LPP: variants seen among roughly 807,000 people sequenced by gnomAD.
The protein encoded by LPP is lipoma-preferred partner.
Under a neutral mutation model 60.4 loss-of-function variants are expected in LPP, and 38 were observed. The observed-to-expected ratio is 0.63, with a 90% confidence interval of 0.49 to 0.83. LPP has a LOEUF of 0.83. LPP is among the 40% of genes least tolerant of loss of function. The pLI, the probability that LPP is intolerant of heterozygous loss-of-function variation, is 0.00. For missense variants in LPP, 902 were observed against 783.6 expected (o/e 1.15, Z -1.80); for synonymous variants, 328 against 290.8 (o/e 1.13, Z -1.30).
At chr3:188,318,828 G>A (rs1489929523) in intron 2 of LPP, among the ~76,000 whole-genome samples, 2 of 140,234 alleles carry the variant, frequency 1.4e-5, no homozygotes, top group African/African-American at 5.4e-5. Flanking sequence ...GCGCGATCTC[G>A]GCTCACTGCA....
At chr3:188,600,683 A>G (rs1840967372) in intron 6 of LPP, among the ~76,000 whole-genome samples, 1 of 152,142 alleles carries the variant, frequency 6.6e-6, no homozygotes, top group Non-Finnish European at 1.5e-5. Context: ...TGACATATCC[A>G]TTAAACAATA....
At chr3:188,603,281 T>C (rs1467248960) in intron 6 of LPP, among the ~76,000 whole-genome samples, 2 of 148,258 alleles carry the variant, frequency 1.3e-5, no homozygotes, top group Non-Finnish European at 1.5e-5. Context: ...GATTTTCCAG[T>C]GTCTACATTT....
At position 188,510,399 on chromosome 3, in the gene LPP, C is replaced by T. The variant is rs114723352; in HGVS notation, c.307-14266C>T. Among the ~76,000 whole-genome samples, 726 of 152,250 alleles carry T rather than the reference C, an allele frequency of 4.8e-3. 9 individuals are homozygous for T. The highest frequency in any genetic ancestry group is 0.016 in the African/African-American group (648 of 41,536). ...AGGTGAAATCAGTAGCTTTCTGATA[C>T]GGTCTCTCACTCACTTTTTATCAAT... is the stretch of plus-strand genomic sequence containing the variant. On this transcript the variant is annotated intron_variant, in intron 5 of 11. Coordinates refer to ENST00000617246, the MANE Select transcript of LPP (RefSeq NM_001375462.1).
At chr3:188,241,971 C>A (rs977235927) in intron 2 of LPP, among the ~76,000 whole-genome samples, 3 of 152,086 alleles carry the variant, frequency 2.0e-5, no homozygotes, top group African/African-American at 7.2e-5. Flanking sequence ...TGGTAGATTT[C>A]ATGATTCTGA....
intron 2 of LPP, among the ~76,000 whole-genome samples, chr3:188,301,998 C>T (rs1354002645): frequency 6.6e-6 from 1 of 151,798 alleles, no homozygotes; most frequent in East Asian, 1.9e-4. Flanking sequence ...AAACAACAAC[C>T]CAGAACATAT....
chr3:188,286,494 C>T (rs372550359), intron 2 of LPP, among the ~76,000 whole-genome samples: 2 of 152,146 alleles, frequency 1.3e-5, no homozygotes, highest in East Asian at 3.9e-4. Context: ...TTCATGGCAA[C>T]TTCTGGAGAA....
chr3:188,629,697 A>T (rs1460287745), intron 7 of LPP, among the ~76,000 whole-genome samples: 1 of 152,142 alleles, frequency 6.6e-6, no homozygotes, highest in Non-Finnish European at 1.5e-5. Context: ...TCAAACTACC[A>T]ATATTATCTT....
chr3:188,666,444 G>A (rs1396238931), intron 7 of LPP, among the ~76,000 whole-genome samples: 1 of 152,188 alleles, frequency 6.6e-6, no homozygotes, highest in Admixed American at 6.5e-5. Flanking sequence ...GTTCATCAAG[G>A]CAGTATAACT....
At chr3:188,864,344 G>A (rs9880894) in intron 9 of LPP, among the ~76,000 whole-genome samples, 1 of 151,942 alleles carries the variant, frequency 6.6e-6, no homozygotes, top group African/African-American at 2.4e-5. Context: ...ATATTCATTC[G>A]TTCATTCTTT....
intron 3 of LPP, among the ~76,000 whole-genome samples, chr3:188,371,767 G>A (rs1389774290): frequency 7.0e-6 from 1 of 143,294 alleles, no homozygotes; most frequent in Non-Finnish European, 1.5e-5. Context: ...CGATTCTCCT[G>A]CCTCAGCCTC....
At chr3:188,300,968 T>C (rs1749646588) in intron 2 of LPP, among the ~76,000 whole-genome samples, 1 of 152,214 alleles carries the variant, frequency 6.6e-6, no homozygotes, top group Non-Finnish European at 1.5e-5. Context: ...TGATCTTTTT[T>C]GTCATGGATT....
intron 6 of LPP, among the ~76,000 whole-genome samples, chr3:188,543,371 T>G (rs988256449): frequency 6.6e-6 from 1 of 152,172 alleles, no homozygotes; most frequent in Admixed American, 6.5e-5. Flanking sequence ...TATTTTCTCT[T>G]TGTTCTTGGT....
At chr3:188,554,737 T>G (rs1829057070) in intron 6 of LPP, among the ~76,000 whole-genome samples, 2 of 152,198 alleles carry the variant, frequency 1.3e-5, no homozygotes, top group Admixed American at 1.3e-4. Flanking sequence ...TTTATACTAT[T>G]GGGTTCTTCA....
At chr3:188,474,961 G>A (rs566546800) in intron 4 of LPP, among the ~76,000 whole-genome samples, 1 of 152,162 alleles carries the variant, frequency 6.6e-6, no homozygotes. Context: ...AGTGCTATTT[G>A]GTTCTAGTCG....
At chr3:188,646,981 A>C (rs1851220079) in intron 7 of LPP, among the ~76,000 whole-genome samples, 1 of 152,228 alleles carries the variant, frequency 6.6e-6, no homozygotes. Flanking sequence ...TGCCAAGCAG[A>C]GTGTTGCTGT....
chr3:188,452,114 TAC>T (rs1796728561), intron 4 of LPP, among the ~76,000 whole-genome samples: 1 of 152,198 alleles, frequency 6.6e-6, no homozygotes, highest in Admixed American at 6.5e-5. Flanking sequence ...CTGAAGGTGC[TAC>T]AGTTTGTTTG....
intron 6 of LPP, among the ~76,000 whole-genome samples, chr3:188,596,620 A>G (rs984137676): frequency 1.3e-5 from 2 of 152,180 alleles, no homozygotes; most frequent in East Asian, 3.9e-4. Flanking sequence ...AAAGAGGAAA[A>G]AAAAAACTGA....
At chr3:188,704,389 G>A (rs973094900) in intron 7 of LPP, among the ~76,000 whole-genome samples, 1 of 152,138 alleles carries the variant, frequency 6.6e-6, no homozygotes, top group Non-Finnish European at 1.5e-5. Flanking sequence ...GGTACCACTG[G>A]CAAGTCCATT....
intron 3 of LPP, among the ~76,000 whole-genome samples, chr3:188,346,609 G>A (rs923751982): frequency 7.9e-5 from 12 of 152,120 alleles, no homozygotes; most frequent in South Asian, 6.2e-4. Context: ...GCGTGCACAC[G>A]TGCATACACA....
Sources: gnomAD v4.1 joint callset for allele counts (sites outside exome capture counted in the v4.1 genomes callset) on GRCh38, gnomAD v4.1.1 for gene constraint, MANE v1.5 for transcripts, NCBI Gene and HGNC (gene_info 2026-07-23, HGNC 2026-07-21) for gene names.